Variants in RASGRF2 observed in about 807,000 individuals in gnomAD.
The protein encoded by RASGRF2 is ras-specific guanine nucleotide-releasing factor 2.
Under a neutral mutation model 151.0 loss-of-function variants are expected in RASGRF2, and 76 were observed. The observed-to-expected ratio is 0.50, with a 90% CI of 0.42 to 0.61. The LOEUF is 0.61. RASGRF2 is among the 20% of genes least tolerant of loss of function. The probability of loss-of-function intolerance (pLI) is 0.00; values close to 1 mark genes in which losing one functional copy is unlikely to be tolerated. For synonymous variants in RASGRF2, 504 were observed against 566.5 expected (o/e 0.89, Z 1.57); for missense variants, 1,148 against 1,564.6 (o/e 0.73, Z 4.49).
intron 17 of RASGRF2, among the ~76,000 whole-genome samples, chr5:81,159,454 T>C (rs75648634): frequency 6.6e-6 from 1 of 152,198 alleles, no homozygotes; most frequent in Non-Finnish European, 1.5e-5. Context: ...AGAATCTGGA[T>C]GCAAAAGACC....
intron 17 of RASGRF2, among the ~76,000 whole-genome samples, chr5:81,157,970 G>A (rs978291957): frequency 2.0e-5 from 3 of 152,140 alleles, no homozygotes; most frequent in African/African-American, 7.2e-5. Flanking sequence ...TAAAGAAAAA[G>A]TACAGCTTTA....
intron 9 of RASGRF2, among the ~76,000 whole-genome samples, chr5:81,090,263 G>A (rs1437222273): frequency 6.6e-6 from 1 of 152,184 alleles, no homozygotes; most frequent in Admixed American, 6.5e-5. Flanking sequence ...AGAATAAGGG[G>A]CATAGTCTTG....
At chr5:81,064,721 A>G (rs188138641) in intron 2 of RASGRF2, among the ~76,000 whole-genome samples, 1 of 152,286 alleles carries the variant, frequency 6.6e-6, no homozygotes, top group Non-Finnish European at 1.5e-5. Context: ...GGCAGACAGT[A>G]GGAAGGTGAT....
intron 16 of RASGRF2, among the ~76,000 whole-genome samples, chr5:81,126,415 G>A (rs960163604): frequency 3.9e-5 from 6 of 152,098 alleles, no homozygotes; most frequent in African/African-American, 1.4e-4. Context: ...CCTTTTTAAA[G>A]TATATAGTTC....
chr5:81,196,282 T>G (rs1037077585), intron 18 of RASGRF2, among the ~76,000 whole-genome samples: 16 of 152,196 alleles, frequency 1.1e-4, no homozygotes, highest in African/African-American at 3.9e-4. Context: ...CAACAAAAAA[T>G]TATATACTAA....
rs577418283 is a variant in RASGRF2, at chr5:81,064,136, T to C, written c.396-3896T>C. On this transcript the variant is annotated intron_variant, in intron 2 of 26. Coordinates refer to ENST00000265080, the MANE Select transcript of RASGRF2 (RefSeq NM_006909.3). The stretch of plus-strand genomic sequence containing the variant: ...GGCCAGGTCTGTATTCTCATCTGAA[T>C]GCACAACTGGGGAAGGATCCACTTC... 1.3e-4 allele frequency among the ~76,000 whole-genome samples: 20 copies of C among 152,344 alleles called. No individual in the cohort carries two copies. In the South Asian group the frequency reaches 4.1e-3, roughly 32 times the overall value.
chr5:81,106,166 G>A (rs1191489678), intron 12 of RASGRF2, among the ~76,000 whole-genome samples: 2 of 152,084 alleles, frequency 1.3e-5, no homozygotes, highest in Admixed American at 6.6e-5. Flanking sequence ...ATTTGCATCA[G>A]AAAATTTAAA....
intron 9 of RASGRF2, 57 bp downstream of exon 9, chr5:81,087,010 C>G: frequency 6.2e-6 from 9 of 1,459,076 alleles, no homozygotes; most frequent in Non-Finnish European, 8.6e-6. Flanking sequence ...GTCACATGAT[C>G]TCGGCACACC....
At chr5:81,036,278 A>G (rs1327331349) in intron 1 of RASGRF2, among the ~76,000 whole-genome samples, 1 of 152,022 alleles carries the variant, frequency 6.6e-6, no homozygotes, top group Non-Finnish European at 1.5e-5. Context: ...TTGCAGATTT[A>G]GCTCTATTTT....
chr5:81,143,502 T>C (rs1753932452), intron 17 of RASGRF2, among the ~76,000 whole-genome samples: 2 of 152,158 alleles, frequency 1.3e-5, no homozygotes, highest in South Asian at 2.1e-4. Context: ...CTTTTAACAA[T>C]GCAGGAATGC....
At chr5:81,035,290 G>T (rs1208739555) in intron 1 of RASGRF2, among the ~76,000 whole-genome samples, 1 of 152,030 alleles carries the variant, frequency 6.6e-6, no homozygotes, top group African/African-American at 2.4e-5. Context: ...CCATAAAAAA[G>T]GATGAGTTCA....
chr5:81,172,269 A>G (rs920573755), intron 17 of RASGRF2, among the ~76,000 whole-genome samples: 1 of 152,134 alleles, frequency 6.6e-6, no homozygotes, highest in Non-Finnish European at 1.5e-5. Context: ...TCTAAACAAC[A>G]CATGTTGTTT....
intron 1 of RASGRF2, among the ~76,000 whole-genome samples, chr5:81,012,195 C>T (rs1749484916): frequency 6.6e-6 from 1 of 152,194 alleles, no homozygotes; most frequent in Non-Finnish European, 1.5e-5. Flanking sequence ...TGCCTTTATA[C>T]TCTCTGTCTG....
At position 81,125,593 on chromosome 5, in the gene RASGRF2, T is replaced by C. The variant is rs368933898; in HGVS notation, c.2597-1481T>C. 1.1e-4 allele frequency among the ~76,000 whole-genome samples: 16 copies of C among 152,308 alleles called. No homozygotes were observed. In the East Asian group the frequency reaches 1.7e-3, roughly 17 times the overall value. ...CATAGGACAGATCCCTTTGACTTCA[T>C]TGTAACCTGGAAGAGTTTGGGACCA... On this transcript the variant is annotated intron_variant, in intron 16 of 26. Coordinates refer to ENST00000265080, the MANE Select transcript of RASGRF2 (RefSeq NM_006909.3).
chr5:81,048,254 G>A (rs1332713619), intron 2 of RASGRF2, among the ~76,000 whole-genome samples: 1 of 152,158 alleles, frequency 6.6e-6, no homozygotes, highest in East Asian at 1.9e-4. Flanking sequence ...CTTTAAAGAT[G>A]AAAATGTGGA....
intron 15 of RASGRF2, among the ~76,000 whole-genome samples, chr5:81,121,172 G>C (rs904072588): frequency 1.5e-4 from 23 of 152,050 alleles, no homozygotes; most frequent in Non-Finnish European, 2.5e-4. Flanking sequence ...TTAAAAATTT[G>C]AGTTGACAAA....
intron 2 of RASGRF2, among the ~76,000 whole-genome samples, chr5:81,060,708 A>G (rs1751404218): frequency 6.6e-6 from 1 of 152,210 alleles, no homozygotes. Flanking sequence ...GAAGAAGGAA[A>G]TCATGTTACT....
At chr5:81,123,542 G>A in intron 15 of RASGRF2, 100 bp from the exon 16 acceptor site, 1 of 1,371,094 alleles carries the variant, frequency 7.3e-7, no homozygotes, top group Non-Finnish European at 9.9e-7. Flanking sequence ...TTAATGAAAT[G>A]CTTATTATCT....
chr5:81,182,017 A>G (rs1754926981), intron 18 of RASGRF2, among the ~76,000 whole-genome samples: 2 of 152,166 alleles, frequency 1.3e-5, no homozygotes, highest in African/African-American at 2.4e-5. Context: ...GCCCTTTACA[A>G]TAAAGAGTTT....
Sources: allele counts gnomAD v4.1 joint callset (sites outside exome capture counted in the v4.1 genomes callset), GRCh38; gene constraint gnomAD v4.1.1; transcripts MANE v1.5; gene names NCBI Gene and HGNC (gene_info 2026-07-23, HGNC 2026-07-21).